UBE4A: variants seen among roughly 807,000 people sequenced by gnomAD.
UBE4A encodes the protein ubiquitin conjugation factor E4 A.
Under a neutral mutation model 117.9 loss-of-function variants are expected in UBE4A, and 48 were observed. The observed-to-expected ratio is 0.41, with a 90% CI of 0.32 to 0.52. The LOEUF (loss-of-function observed/expected upper bound fraction) is 0.52. Ranked by LOEUF, UBE4A falls within the 20% of genes least tolerant of loss-of-function variation. The pLI, the probability that UBE4A is intolerant of heterozygous loss-of-function variation, is 0.33. For synonymous variants in UBE4A, 407 were observed against 450.0 expected (o/e 0.90, Z 1.21); for missense variants, 1,067 against 1,296.3 (o/e 0.82, Z 2.72).
Position 118,396,515 on chromosome 11 carries a change from G to T in UBE4A, c.*75G>T. 5 of 1,460,358 alleles carry T rather than the reference G, an allele frequency of 3.4e-6. No individual in the cohort carries two copies. The highest frequency in any genetic ancestry group is 3.0e-5 in the African/African-American group (2 of 66,490). The allele number at this position is 1,460,358 out of a possible 1,614,324, so 90.5% of individuals were successfully genotyped here. A position where few individuals can be genotyped will look rare whatever the true frequency, so the allele number is the denominator to read the frequency against. Reference sequence around the variant, plus strand: ...ATTGTTTGTGGTTTCTCTCTTTCTGGTTCTGTTCCTTTTCTTTCTTCTTTT... The same window carrying T: ...ATTGTTTGTGGTTTCTCTCTTTCTGTTTCTGTTCCTTTTCTTTCTTCTTTT... On this transcript the variant is annotated 3_prime_UTR_variant, in exon 20 of 20. Transcript: ENST00000252108.
intron 18 of UBE4A, among the ~76,000 whole-genome samples, chr11:118,391,654 C>T (rs1232305741): frequency 3.4e-5 from 5 of 147,718 alleles, no homozygotes; most frequent in African/African-American, 1.0e-4. Context: ...ATTAGCCGGG[C>T]GTGGTGGCAG....
intron 4 of UBE4A, 33 bp downstream of exon 4, chr11:118,369,568 A>G (rs1948592040): frequency 2.6e-6 from 4 of 1,522,880 alleles, no homozygotes; most frequent in African/African-American, 1.4e-5. Context: ...GTGTGCCCTT[A>G]GCAAAAATTA....
chr11:118,370,587 C>T lies in UBE4A; in HGVS notation c.409-927C>T, dbSNP rs554842046. 6.6e-4 allele frequency among the ~76,000 whole-genome samples: 100 copies of T among 151,632 alleles called. 1 individual carries two copies. The Middle Eastern group carries it at 0.024, about 36-fold the overall frequency. ...AGTGAGCCATAGTCACACGACTGCA[C>T]TCCAGCCTGGGCGACAGAGCAAGAA... On this transcript the variant is annotated intron_variant, in intron 4 of 19. Transcript: ENST00000252108.
rs1354562879 is a variant in UBE4A at position 118,392,875 on chromosome 11, C to T, written c.3054C>T (p.Thr1018=). The stretch of plus-strand genomic sequence containing the variant: ...CCAGAGTCACTGTGGATAGATCCAC[C>T]ATTGCAAGACATTTGCTCAGGTAGG... ...PSSRVTVDRS[T]IARHLLSDQT... Residue 1018 remains threonine (T), a synonymous_variant, in exon 19 of 20, where the codon ACC becomes ACT. Coordinates refer to ENST00000252108, the MANE Select transcript of UBE4A (RefSeq NM_001204077.2). The T allele has an allele frequency of 2.5e-6, 4 of 1,613,800 alleles. No individual in the cohort carries two copies. The highest frequency in any genetic ancestry group is 3.4e-6 in the Non-Finnish European group (4 of 1,179,946).
At chr11:118,391,669 C>T (rs2134112886) in intron 18 of UBE4A, among the ~76,000 whole-genome samples, 1 of 151,726 alleles carries the variant, frequency 6.6e-6, no homozygotes, top group African/African-American at 2.4e-5. Context: ...TGGCAGGCAC[C>T]TGTAGTCCCA....
Position 118,396,514 on chromosome 11 carries a change from G to A in UBE4A, c.*74G>A. ...AATTGTTTGTGGTTTCTCTCTTTCTGGTTCTGTTCCTTTTCTTTCTTCTTT... is the reference window on the plus strand; with the variant it reads ...AATTGTTTGTGGTTTCTCTCTTTCTAGTTCTGTTCCTTTTCTTTCTTCTTT... On this transcript the variant is annotated 3_prime_UTR_variant, in exon 20 of 20. Coordinates refer to ENST00000252108, the MANE Select transcript of UBE4A (RefSeq NM_001204077.2). 2 of 1,482,310 alleles carry A rather than the reference G, an allele frequency of 1.3e-6. No homozygotes were observed. The highest frequency in any genetic ancestry group is 2.8e-5 in the South Asian group (2 of 70,624). The allele number at this position is 1,482,310 out of a possible 1,614,324, so 91.8% of individuals were successfully genotyped here. A position where few individuals can be genotyped will look rare whatever the true frequency, so the allele number is the denominator to read the frequency against.
rs780486540 is a variant in UBE4A at position 118,373,281 on chromosome 11, T to C, written c.917T>C (p.Met306Thr). The change falls in exon 7 of 20, where the codon ATG becomes ACG. Residue 306 changes from methionine (M) to threonine (T), a missense_variant. By Grantham distance (81) the Met-to-Thr change is moderately conservative. This residue lies in a region of UBE4A where 1,001 missense variants were observed against 1,184.0 expected (regional missense o/e 0.85). Coordinates refer to ENST00000252108, the MANE Select transcript of UBE4A (RefSeq NM_001204077.2). ...CTCTATTTCACTAGGCAAAAAGATA[T>C]GGCAAAGGTAGGTCTGAAAGATGAT... ...ILLYFTRQKDMAKVFVEYIQP... is the reference protein window; with the variant it reads ...ILLYFTRQKDTAKVFVEYIQP... The C allele has an allele frequency of 6.8e-6, 11 of 1,612,022 alleles. No homozygotes were observed. The highest frequency in any genetic ancestry group is 1.7e-5 in the Admixed American group (1 of 59,998).
At chr11:118,376,157 A>T (rs1555125334) in intron 9 of UBE4A, among the ~76,000 whole-genome samples, 1 of 152,338 alleles carries the variant, frequency 6.6e-6, no homozygotes, top group African/African-American at 2.4e-5. Context: ...TGGAGAAAAC[A>T]GTACAGAGAA....
rs370025001 is a variant in UBE4A at position 118,384,947 on chromosome 11, TAAAAAAAA to T, written c.2412+16_2412+23del. 3.3e-5 allele frequency: 35 copies of T among 1,067,038 alleles called. No homozygotes were observed. The highest frequency in any genetic ancestry group is 3.5e-5 in the Non-Finnish European group (27 of 775,380). The allele number at this position is 1,067,038 out of a possible 1,614,324, so 66.1% of individuals were successfully genotyped here. A position where few individuals can be genotyped will look rare whatever the true frequency, so the allele number is the denominator to read the frequency against. ...TTCCTTTTGGATGAAGCCATACAGG[TAAAAAAAA>T]AAAAAAAAAAAAAGATTTAACTTCT... is the stretch of plus-strand genomic sequence containing the variant. On this transcript the variant is annotated splice_donor_5th_base_variant and intron_variant, in intron 15 of 19. Transcript: ENST00000252108.
chr11:118,396,604 T>C lies in UBE4A; in HGVS notation c.*164T>C. On this transcript the variant is annotated 3_prime_UTR_variant, in exon 20 of 20. Transcript: ENST00000252108. Reference sequence around the variant, plus strand: ...ACTGCTCTTGCTGAAATTATGATAGTTAAGATTCCTAAGAACTTGACAATG... The same window carrying C: ...ACTGCTCTTGCTGAAATTATGATAGCTAAGATTCCTAAGAACTTGACAATG... The C allele has an allele frequency of 1.2e-6, 1 of 806,724 alleles. No individual in the cohort carries two copies. The highest frequency in any genetic ancestry group is 1.8e-6 in the Non-Finnish European group (1 of 568,522). 50.0% of individuals were successfully genotyped at this position (806,724 alleles called of 1,614,324 possible). A position where few individuals can be genotyped will look rare whatever the true frequency, so the allele number is the denominator to read the frequency against.
chr11:118,360,696 A>G (rs1215881453), intron 1 of UBE4A, among the ~76,000 whole-genome samples: 1 of 152,190 alleles, frequency 6.6e-6, no homozygotes, highest in Non-Finnish European at 1.5e-5. Flanking sequence ...TGTGTTCATG[A>G]GAGCTGACAG....
chr11:118,364,475 A>G (rs1246443537), intron 1 of UBE4A, among the ~76,000 whole-genome samples: 1 of 152,132 alleles, frequency 6.6e-6, no homozygotes, highest in African/African-American at 2.4e-5. Context: ...AAAACCCACA[A>G]CATACAGCTG....
rs1555126895 is a variant in UBE4A, at chr11:118,384,827, T to TA, written c.2299-4dup. The TA allele has an allele frequency of 1.9e-6, 3 of 1,613,640 alleles. No homozygotes were observed. The highest frequency in any genetic ancestry group is 2.2e-5 in the South Asian group (2 of 91,060). On this transcript the variant is annotated splice_polypyrimidine_tract_variant and splice_region_variant and intron_variant, in intron 14 of 19. Coordinates refer to ENST00000252108, the MANE Select transcript of UBE4A (RefSeq NM_001204077.2). ...AATGGTTTTCTTGTGGGCTGGGACTTACAGGATTTGGCTGACTATGCCTCT... is the reference window on the plus strand; with the variant it reads ...AATGGTTTTCTTGTGGGCTGGGACTTAACAGGATTTGGCTGACTATGCCTCT...
intron 17 of UBE4A, among the ~76,000 whole-genome samples, chr11:118,390,426 T>G (rs1368434856): frequency 6.8e-6 from 1 of 146,210 alleles, no homozygotes; most frequent in Non-Finnish European, 1.5e-5. Flanking sequence ...TTATATAATA[T>G]AATTTTATAT....
At chr11:118,396,183 C>T (rs1012443068) in intron 19 of UBE4A, 131 bp from the exon 20 acceptor site, 4 of 1,101,840 alleles carry the variant, frequency 3.6e-6, no homozygotes, top group Admixed American at 3.2e-5. Context: ...AACCCCAACT[C>T]GGCATTTGAC....
At position 118,392,866 on chromosome 11, in the gene UBE4A, T is replaced by A; in HGVS notation, c.3045T>A (p.Asp1015Glu). The change falls in exon 19 of 20, where the codon GAT (aspartate) becomes GAA (glutamate). Residue 1015 changes from aspartate (D) to glutamate (E), a missense_variant. Asp to Glu is a conservative substitution (Grantham distance 45). This residue lies in a region of UBE4A where 34 missense variants were observed against 77.7 expected (regional missense o/e 0.44). Coordinates refer to ENST00000252108, the MANE Select transcript of UBE4A (RefSeq NM_001204077.2). ...VVLPSSRVTV[D>E]RSTIARHLLS... is the part of the protein sequence containing the mutation. ...TGCCATCTTCCAGAGTCACTGTGGA[T>A]AGATCCACCATTGCAAGACATTTGC... 1 of 1,614,106 alleles carries A rather than the reference T, an allele frequency of 6.2e-7. No individual in the cohort carries two copies. The highest frequency in any genetic ancestry group is 8.5e-7 in the Non-Finnish European group (1 of 1,180,004).
At chr11:118,384,158 G>A (rs1335760523) in intron 13 of UBE4A, among the ~76,000 whole-genome samples, 5 of 152,164 alleles carry the variant, frequency 3.3e-5, no homozygotes, top group African/African-American at 1.2e-4. Context: ...TATTTCAAAA[G>A]CAGTATAAGC....
At chr11:118,375,857 TATA>T (rs1287053149) in intron 9 of UBE4A, among the ~76,000 whole-genome samples, 6 of 152,294 alleles carry the variant, frequency 3.9e-5, no homozygotes, top group African/African-American at 1.2e-4. Context: ...AACTGATAAT[TATA>T]ATATGGTATA....
chr11:118,363,674 C>T (rs766797071), intron 1 of UBE4A, among the ~76,000 whole-genome samples: 2 of 146,350 alleles, frequency 1.4e-5, no homozygotes, highest in Non-Finnish European at 1.5e-5. Flanking sequence ...TGCAGTGGCA[C>T]AATCTCAGCT....
Sources: allele counts gnomAD v4.1 joint callset (sites outside exome capture counted in the v4.1 genomes callset), GRCh38; gene constraint gnomAD v4.1.1; regional missense constraint gnomAD v4.1.1; transcripts MANE v1.5; gene names NCBI Gene and HGNC (gene_info 2026-07-23, HGNC 2026-07-21).